Variants in SLC24A1 observed in about 807,000 individuals in gnomAD.
The protein encoded by SLC24A1 is sodium/potassium/calcium exchanger 1.
In SLC24A1, 52 loss-of-function variants were observed where a neutral mutation model predicts 88.1. That is an observed-to-expected ratio of 0.59 (90% CI 0.47 to 0.74). The LOEUF (loss-of-function observed/expected upper bound fraction) is 0.74, where lower values mean the gene tolerates loss of function less well. SLC24A1 is among the 30% of genes least tolerant of loss of function. The pLI is 0.00. For synonymous variants in SLC24A1, 455 were observed against 498.0 expected, an observed-to-expected ratio of 0.91 and a Z score of 1.15; for missense variants, 1,173 against 1,363.3, an observed-to-expected ratio of 0.86 and a Z score of 2.20.
At position 65,624,791 on chromosome 15, in the gene SLC24A1, T is replaced by G; in HGVS notation, c.711T>G (p.Leu237=). The G allele has an allele frequency of 6.2e-7, 1 of 1,613,922 alleles. No individual in the cohort carries two copies. Among genetic ancestry groups the G allele is most frequent in the Non-Finnish European group, 8.5e-7 (1 of 1,179,870 alleles). The change falls in exon 2 of 10, where the codon CTT becomes CTG. Residue 237 remains leucine (L), a synonymous_variant. Coordinates refer to ENST00000261892, the MANE Select transcript of SLC24A1 (RefSeq NM_004727.3). ...ATAAAATACTCGAAACCAACTCTCT[T>G]AAGAGAATAATGGAGGAAACCACCC... is the stretch of plus-strand genomic sequence containing the variant. ...ATYKILETNS[L]KRIMEETTPT...
intron 9 of SLC24A1, 135 bp from the exon 10 acceptor site, chr15:65,653,695 G>A (rs572673663): frequency 1.2e-6 from 1 of 854,596 alleles, no homozygotes; most frequent in East Asian, 2.5e-5. Context: ...TCTGTGAAAT[G>A]GGGCTAATAA....
intron 5 of SLC24A1, among the ~76,000 whole-genome samples, chr15:65,645,403 A>G (rs1311173107): frequency 6.6e-6 from 1 of 152,244 alleles, no homozygotes; most frequent in African/African-American, 2.4e-5. Flanking sequence ...ACGGATGGTC[A>G]CTTGCCAACT....
intron 5 of SLC24A1, among the ~76,000 whole-genome samples, chr15:65,645,128 C>T (rs1257827443): frequency 6.6e-6 from 1 of 152,230 alleles, no homozygotes; most frequent in Non-Finnish European, 1.5e-5. Flanking sequence ...TCAGAGAGGT[C>T]AAGTGACTTC....
intron 5 of SLC24A1, 72 bp downstream of exon 5, chr15:65,644,585 G>C (rs999989558): frequency 9.1e-7 from 1 of 1,098,956 alleles, no homozygotes; most frequent in African/African-American, 1.6e-5. Flanking sequence ...AGCTTGGCCT[G>C]GAGGCAGCAG....
intron 5 of SLC24A1, 50 bp downstream of exon 5, chr15:65,644,563 C>T: frequency 7.5e-7 from 1 of 1,327,596 alleles, no homozygotes; most frequent in Non-Finnish European, 1.1e-6. Context: ...CCTCTCCCTG[C>T]TGTCAGTAGT....
In SLC24A1 at chr15:65,625,451, G is replaced by T; in HGVS notation, c.1371G>T (p.Leu457=). ...AGCGGCGGCAGGGCTGGGTGGTCCT[G>T]CACGTTTTTGGCATGATGTATGTGT... ...VEERRQGWVV[L]HVFGMMYVFV... is the part of the protein sequence containing the mutation. Residue 457 remains leucine (L), a synonymous_variant, in exon 2 of 10, where the codon CTG becomes CTT. Transcript: ENST00000261892. 2 of 1,614,046 alleles carry T rather than the reference G, an allele frequency of 1.2e-6. No individual in the cohort carries two copies. Among genetic ancestry groups the T allele is most frequent in the Non-Finnish European group, 1.7e-6 (2 of 1,179,894 alleles).
chr15:65,654,380 T>TG lies in SLC24A1; in HGVS notation c.*306dup. 8.4e-7 allele frequency: 1 copy of TG among 1,194,728 alleles called. No individual in the cohort carries two copies. The highest frequency in any genetic ancestry group is 1.0e-6 in the Non-Finnish European group (1 of 959,350). The allele number at this position is 1,194,728 out of a possible 1,614,324, so 74.0% of individuals were successfully genotyped here. ...CAGAGGGTTTTCTAAATGAGATAAC[T>TG]GGGGGCAAAGGTTGGGATAGGCGCA... On this transcript the variant is annotated 3_prime_UTR_variant, in exon 10 of 10. Coordinates refer to ENST00000261892, the MANE Select transcript of SLC24A1 (RefSeq NM_004727.3).
chr15:65,624,365 C>A lies in SLC24A1; in HGVS notation c.285C>A (p.Ala95=). ...GGGGTAAGATGCTGGTACCCCAAGC[C>A]TCAGTGGGCAGTGATGAAGCAACAC... is the stretch of plus-strand genomic sequence containing the variant. ...EMGGKMLVPQ[A]SVGSDEATLS... is the part of the protein sequence containing the mutation. The change falls in exon 2 of 10, where the codon GCC becomes GCA. Residue 95 remains alanine, a synonymous_variant. Coordinates refer to ENST00000261892, the MANE Select transcript of SLC24A1 (RefSeq NM_004727.3). 1 of 1,613,724 alleles carries A rather than the reference C, an allele frequency of 6.2e-7. No individual in the cohort carries two copies. The highest frequency in any genetic ancestry group is 1.1e-5 in the South Asian group (1 of 91,018).
chr15:65,650,837 T>C lies in SLC24A1; in HGVS notation c.2688T>C (p.Pro896=). 1 of 1,613,584 alleles carries C rather than the reference T, an allele frequency of 6.2e-7. No homozygotes were observed. Among genetic ancestry groups the C allele is most frequent in the African/African-American group, 1.3e-5 (1 of 74,908 alleles). The change falls in exon 7 of 10, where the codon CCT becomes CCC. Residue 896 remains proline, a synonymous_variant. Coordinates refer to ENST00000261892, the MANE Select transcript of SLC24A1 (RefSeq NM_004727.3). This position sits in a 1 kb window ranked among gnomAD's most constrained non-coding sequence, Gnocchi z 4.1. ...AGGAGGAGAAGGGAAATGAAGAGCC[T>C]CTGTCCCTGGACTGGCCTGAAACCA... ...EEEEEKGNEE[P]LSLDWPETRQ...
intron 1 of SLC24A1, among the ~76,000 whole-genome samples, chr15:65,623,550 C>T (rs1247358290): frequency 6.6e-6 from 1 of 152,234 alleles, no homozygotes; most frequent in Non-Finnish European, 1.5e-5. Flanking sequence ...AGCCATATCT[C>T]CCTACCTCCT....
At chr15:65,653,750 G>T (rs770871628) in intron 9 of SLC24A1, 80 bp from the exon 10 acceptor site, 38 of 1,352,724 alleles carry the variant, frequency 2.8e-5, no homozygotes, top group Non-Finnish European at 3.7e-5. Context: ...AAAATACTTT[G>T]TAAAGTATAA....
Position 65,625,924 on chromosome 15 carries a change from G to C in SLC24A1, c.1844G>C (p.Ser615Thr), listed in dbSNP as rs1158838904. The change falls in exon 2 of 10, where the codon AGC becomes ACC. Residue 615 changes from serine (S) to threonine (T), a missense_variant. Ser to Thr is a moderately conservative substitution (Grantham distance 58, BLOSUM62 1). Coordinates refer to ENST00000261892, the MANE Select transcript of SLC24A1 (RefSeq NM_004727.3). ...GAGGTCTGGGTGAAGGAGCAGCTCA[G>C]CAGGAGGCCAGTGGCCAAGGTCATG... is the stretch of plus-strand genomic sequence containing the variant. ...HIEVWVKEQL[S>T]RRPVAKVMAL... 6.2e-7 allele frequency: 1 copy of C among 1,614,034 alleles called. No individual in the cohort carries two copies. The highest frequency in any genetic ancestry group is 8.5e-7 in the Non-Finnish European group (1 of 1,179,904).
At chr15:65,646,455 T>G (rs116413774) in intron 6 of SLC24A1, among the ~76,000 whole-genome samples, 1,785 of 151,238 alleles carry the variant, frequency 0.012, 43 homozygotes, top group African/African-American at 0.041. Flanking sequence ...TCCATTTTCA[T>G]ATATCCTCAT....
Position 65,655,714 on chromosome 15 carries a change from A to T in SLC24A1, c.*1635A>T. On this transcript the variant is annotated 3_prime_UTR_variant, in exon 10 of 10. Transcript: ENST00000261892. ...GATGTGATATGAAAAAAACCCAAAC[A>T]TTTTGGCATTGAATGATGGCTAAGG... The T allele has an allele frequency of 1.0e-6, 1 of 985,356 alleles. No individual in the cohort carries two copies. The highest frequency in any genetic ancestry group is 1.2e-6 in the Non-Finnish European group (1 of 829,872). 61.0% of individuals were successfully genotyped at this position (985,356 alleles called of 1,614,324 possible).
chr15:65,648,892 C>G (rs1435779222), intron 6 of SLC24A1, among the ~76,000 whole-genome samples: 2 of 152,100 alleles, frequency 1.3e-5, no homozygotes, highest in Non-Finnish European at 2.9e-5. Context: ...ACTGCCTCAG[C>G]TGCCTGAGTA....
At chr15:65,619,196 C>G (rs1313121961), upstream of SLC24A1, among the ~76,000 whole-genome samples, 1 of 152,218 alleles carries the variant, frequency 6.6e-6, no homozygotes, top group African/African-American at 2.4e-5. Flanking sequence ...CACTGTTACT[C>G]TAACAGCAGT....
chr15:65,650,312 A>G lies in SLC24A1; in HGVS notation c.2233-70A>G. 7.6e-7 allele frequency: 1 copy of G among 1,310,590 alleles called. No homozygotes were observed. The highest frequency in any genetic ancestry group is 1.0e-6 in the Non-Finnish European group (1 of 954,712). The allele number at this position is 1,310,590 out of a possible 1,614,324, so 81.2% of individuals were successfully genotyped here. ...TTCTGAGAAGCACGCCAACAAAAAA[A>G]TGGGGGAGTAACATAAGGAAAACAA... is the stretch of plus-strand genomic sequence containing the variant. On this transcript the variant is annotated intron_variant, in intron 6 of 9. Transcript: ENST00000261892. This position sits in a 1 kb window ranked among gnomAD's most constrained non-coding sequence, Gnocchi z 4.1.
chr15:65,632,964 C>T (rs138059710), intron 2 of SLC24A1, among the ~76,000 whole-genome samples: 79 of 152,248 alleles, frequency 5.2e-4, no homozygotes, highest in South Asian at 2.5e-3. Flanking sequence ...TACACTATCA[C>T]GTGTAATGGT....
At chr15:65,630,772 A>C (rs2074694368) in intron 2 of SLC24A1, among the ~76,000 whole-genome samples, 1 of 152,182 alleles carries the variant, frequency 6.6e-6, no homozygotes, top group South Asian at 2.1e-4. Context: ...GGAGTTCAAG[A>C]TCAGCCTGGC....
Sources: gnomAD v4.1 joint callset for allele counts (sites outside exome capture counted in the v4.1 genomes callset) on GRCh38, gnomAD v4.1.1 for gene constraint, Gnocchi (gnomAD v3.1) non-coding constraint, MANE v1.5 for transcripts, NCBI Gene and HGNC (gene_info 2026-07-23, HGNC 2026-07-21) for gene names.